The following ITGB4 variants were observed in gnomAD, a reference collection of about 807,000 sequenced individuals.
The protein encoded by ITGB4 is integrin beta-4.
ITGB4 carries 159 observed loss-of-function variants against 207.6 expected under a neutral mutation model. That is an observed-to-expected ratio of 0.77 (90% CI 0.67 to 0.87). The LOEUF (loss-of-function observed/expected upper bound fraction) is 0.87. ITGB4 is among the 40% of genes least tolerant of loss of function. The probability of loss-of-function intolerance (pLI) is 0.00; values close to 1 mark genes in which losing one functional copy is unlikely to be tolerated. For missense variants in ITGB4, 2,278 were observed against 2,546.8 expected, an observed-to-expected ratio of 0.89 and a Z score of 2.27; for synonymous variants, 1,020 against 1,062.7, an observed-to-expected ratio of 0.96 and a Z score of 0.78.
intron 5 of ITGB4, 22 bp from the exon 6 acceptor site, chr17:75,728,355 T>A (rs1568344664): frequency 1.9e-6 from 3 of 1,610,204 alleles, no homozygotes; most frequent in Admixed American, 1.7e-5. Flanking sequence ...AGCTATCCCC[T>A]CTCTGTCCTT....
rs2061341187 is a variant in ITGB4 at position 75,750,378 on chromosome 17, T to C, written c.3474+110T>C. 8.7e-7 allele frequency: 1 copy of C among 1,152,798 alleles called. No individual in the cohort carries two copies. Among genetic ancestry groups the C allele is most frequent in the Non-Finnish European group, 1.2e-6 (1 of 816,112 alleles). 71.4% of individuals were successfully genotyped at this position (1,152,798 alleles called of 1,614,324 possible). A position where few individuals can be genotyped will look rare whatever the true frequency, so the allele number is the denominator to read the frequency against. On this transcript the variant is annotated intron_variant, in intron 28 of 39. Coordinates refer to ENST00000200181, the MANE Select transcript of ITGB4 (RefSeq NM_000213.5). The surrounding 1 kb of genome is among the most constrained non-coding windows in gnomAD (Gnocchi z 5.5). ...GGGCCCCCTGAGAGAGAGCAGACAG[T>C]GGAACCTAGCACAGGTGGTCAGAGG...
At position 75,756,973 on chromosome 17, in the gene ITGB4, A is replaced by G. The variant is rs1378764885; in HGVS notation, c.5084A>G (p.Asp1695Gly). The part of the protein sequence containing the change: ...GPATAFRVDG[D>G]SPESRLTVPG... ...GCCACCGCATTCCGGGTGGATGGAG[A>G]CAGCCCCGAGAGCCGGCTGACCGTG... is the stretch of plus-strand genomic sequence containing the variant. Residue 1695 changes from aspartate (D) to glycine (G), a missense_variant, in exon 38 of 40, where the codon GAC (aspartate) becomes GGC (glycine). Coordinates refer to ENST00000200181, the MANE Select transcript of ITGB4 (RefSeq NM_000213.5). 1 of 1,612,720 alleles carries G rather than the reference A, an allele frequency of 6.2e-7. No individual in the cohort carries two copies. Among genetic ancestry groups the G allele is most frequent in the Non-Finnish European group, 8.5e-7 (1 of 1,179,944 alleles).
chr17:75,755,126 G>C (rs774244228), intron 34 of ITGB4: 1 of 1,610,888 alleles, frequency 6.2e-7, no homozygotes. Flanking sequence ...CCGGAGTCGG[G>C]CTCAGATGAA....
intron 2 of ITGB4, among the ~76,000 whole-genome samples, chr17:75,726,686 C>T (rs1205706572): frequency 5.3e-5 from 8 of 152,078 alleles, no homozygotes; most frequent in African/African-American, 7.2e-5. Context: ...GAGCTGAGAT[C>T]GCACCACTGC....
rs2148470606 is a variant in ITGB4 at position 75,729,202 on chromosome 17, G to A, written c.567-63G>A. 1 of 1,502,628 alleles carries A rather than the reference G, an allele frequency of 6.7e-7. No homozygotes were observed. Among genetic ancestry groups the A allele is most frequent in the South Asian group, 1.2e-5 (1 of 84,984 alleles). 93.1% of individuals were successfully genotyped at this position (1,502,628 alleles called of 1,614,324 possible). On this transcript the variant is annotated intron_variant, in intron 6 of 39. Coordinates refer to ENST00000200181, the MANE Select transcript of ITGB4 (RefSeq NM_000213.5). The surrounding 1 kb of genome is among the most constrained non-coding windows in gnomAD (Gnocchi z 4.4). ...TCTCCTTCTAGTTGAAACGAGCCAG[G>A]GGCACTGGGGTCTGCGGCGTCTTCC...
chr17:75,729,159 A>G lies in ITGB4; in HGVS notation c.567-106A>G. ...GGGTGATAAAGCGAGACTTGGTCTC[A>G]AAAAAAAAAAAAAAAATTCTCCTTC... is the stretch of plus-strand genomic sequence containing the variant. On this transcript the variant is annotated intron_variant, in intron 6 of 39. Transcript: ENST00000200181. This position sits in a 1 kb window ranked among gnomAD's most constrained non-coding sequence, Gnocchi z 4.4. 1 of 215,286 alleles carries G rather than the reference A, an allele frequency of 4.6e-6. No homozygotes were observed. The highest frequency in any genetic ancestry group is 5.5e-6 in the Non-Finnish European group (1 of 181,582). 13.3% of individuals were successfully genotyped at this position (215,286 alleles called of 1,614,324 possible).
intron 32 of ITGB4, 41 bp from the exon 33 acceptor site, chr17:75,753,724 G>A (rs1383096588): frequency 2.3e-6 from 3 of 1,318,606 alleles, no homozygotes; most frequent in East Asian, 2.9e-5. Flanking sequence ...TCGGCCCGGC[G>A]CCCCCCGGCG....
intron 18 of ITGB4, among the ~76,000 whole-genome samples, chr17:75,738,780 G>A (rs2061040514): frequency 6.6e-6 from 1 of 152,194 alleles, no homozygotes; most frequent in Non-Finnish European, 1.5e-5. Context: ...AGTGTTGTGG[G>A]ATATTAATGT....
intron 18 of ITGB4, among the ~76,000 whole-genome samples, chr17:75,738,397 G>GC (rs1599257954): frequency 2.0e-5 from 3 of 152,184 alleles, no homozygotes; most frequent in Admixed American, 6.5e-5. Flanking sequence ...CCATTTCCCC[G>GC]CCCCCCATCA....
In ITGB4 at chr17:75,727,782, G is replaced by A; in HGVS notation, c.396G>A (p.Leu132=). The A allele has an allele frequency of 4.3e-6, 7 of 1,614,114 alleles. No homozygotes were observed. Among genetic ancestry groups the A allele is most frequent in the Non-Finnish European group, 5.9e-6 (7 of 1,180,020 alleles). The change falls in exon 5 of 40, where the codon CTG becomes CTA. Residue 132 remains leucine, a synonymous_variant. Transcript: ENST00000200181. This position sits in a 1 kb window ranked among gnomAD's most constrained non-coding sequence, Gnocchi z 6.0. Reference sequence around the variant, plus strand: ...AGCCACTGGAGAGCCCCGTGGACCTGTACATCCTCATGGACTTCTCCAACT... The same window carrying A: ...AGCCACTGGAGAGCCCCGTGGACCTATACATCCTCATGGACTTCTCCAACT... ...VFEPLESPVD[L]YILMDFSNSM... is the part of the protein sequence containing the mutation.
Position 75,748,927 on chromosome 17 carries a change from A to C in ITGB4, c.3198A>C (p.Glu1066Asp). The change falls in exon 27 of 40, where the codon GAA (glutamate) becomes GAC (aspartate). Residue 1066 changes from glutamate to aspartate, a missense_variant. Coordinates refer to ENST00000200181, the MANE Select transcript of ITGB4 (RefSeq NM_000213.5). ...ELQVKLLELQ[E>D]VDSLLRGRQV... ...AGGTGAAGCTCCTGGAGCTGCAAGA[A>C]GTTGACTCCCTCCTGCGGGGCCGCC... 1 of 1,613,346 alleles carries C rather than the reference A, an allele frequency of 6.2e-7. No homozygotes were observed. Among genetic ancestry groups the C allele is most frequent in the Non-Finnish European group, 8.5e-7 (1 of 1,179,952 alleles).
chr17:75,727,315 G>T lies in ITGB4; in HGVS notation c.162+38G>T. ...CCCGGGTTGGTGTGGAACAGGCAAG[G>T]GTCGGGAATAGCTGGTGGAAATGAA... On this transcript the variant is annotated intron_variant, in intron 3 of 39. Transcript: ENST00000200181. The surrounding 1 kb of genome is among the most constrained non-coding windows in gnomAD (Gnocchi z 6.0). 1.2e-6 allele frequency: 2 copies of T among 1,612,920 alleles called. No homozygotes were observed. The highest frequency in any genetic ancestry group is 1.7e-6 in the Non-Finnish European group (2 of 1,179,180).
At chr17:75,753,717 G>T in intron 32 of ITGB4, 48 bp from the exon 33 acceptor site, 1 of 1,292,970 alleles carries the variant, frequency 7.7e-7, no homozygotes, top group Non-Finnish European at 9.9e-7. Flanking sequence ...GCCCTGCTCG[G>T]CCCGGCGCCC....
In ITGB4 at chr17:75,744,087, C is replaced by T. The variant is rs546410562; in HGVS notation, c.3111+226C>T. Among the ~76,000 whole-genome samples, 13 of 151,282 alleles carry T rather than the reference C, an allele frequency of 8.6e-5. No homozygotes were observed. The East Asian group carries it at 9.8e-4, about 11-fold the overall frequency. ...CACGCTGGATGAGGCTCCATTGCTG[C>T]CAGGGACTCAGGCCAAGAGGGCTCG... On this transcript the variant is annotated intron_variant, in intron 26 of 39. Transcript: ENST00000200181.
intron 30 of ITGB4, 39 bp downstream of exon 30, chr17:75,751,150 C>G (rs2061358845): frequency 6.2e-7 from 1 of 1,609,102 alleles, no homozygotes; most frequent in Non-Finnish European, 8.5e-7. Context: ...ACAGGGAGAA[C>G]AGCCATGGAA....
At chr17:75,728,975 C>T (rs1302726640) in intron 6 of ITGB4, among the ~76,000 whole-genome samples, 18 of 139,586 alleles carry the variant, frequency 1.3e-4, no homozygotes, top group Non-Finnish European at 2.3e-4. Flanking sequence ...CAGAATGAGA[C>T]TCTGTCTCAA....
At position 75,733,671 on chromosome 17, in the gene ITGB4, A is replaced by G. The variant is rs747333914; in HGVS notation, c.1636A>G (p.Thr546Ala). 1.9e-6 allele frequency: 3 copies of G among 1,614,090 alleles called. No homozygotes were observed. Among genetic ancestry groups the G allele is most frequent in the East Asian group, 2.2e-5 (1 of 44,886 alleles). The part of the protein sequence containing the change: ...CEYDNFQCPR[T>A]SGFLCNDRGR... ...GTATGACAACTTCCAGTGTCCCCGC[A>G]CTTCCGGGTTCCTCTGCAATGGTGA... The change falls in exon 13 of 40, where the codon ACT becomes GCT. Residue 546 changes from threonine (T) to alanine (A), a missense_variant. Physicochemically the swap from Thr to Ala is moderately conservative, Grantham distance 58 (BLOSUM62 0). Transcript: ENST00000200181.
chr17:75,734,578 G>A (rs1280614786), intron 13 of ITGB4, among the ~76,000 whole-genome samples: 1 of 152,182 alleles, frequency 6.6e-6, no homozygotes, highest in African/African-American at 2.4e-5. Context: ...TCAGACAAGG[G>A]GACATAGGGA....
At chr17:75,753,512 C>CG (rs952768403) in intron 32 of ITGB4, among the ~76,000 whole-genome samples, 10 of 152,280 alleles carry the variant, frequency 6.6e-5, no homozygotes, top group South Asian at 2.1e-4. Context: ...CTGGCGGGTC[C>CG]GGGGGTCTCT....
Sources: gnomAD v4.1 joint callset for allele counts (sites outside exome capture counted in the v4.1 genomes callset) on GRCh38, gnomAD v4.1.1 for gene constraint, Gnocchi (gnomAD v3.1) non-coding constraint, MANE v1.5 for transcripts, NCBI Gene and HGNC (gene_info 2026-07-23, HGNC 2026-07-21) for gene names.